FGF23: variants seen among roughly 807,000 people sequenced by gnomAD.
FGF23 encodes the protein phosphatonin.
Under a neutral mutation model 9.0 loss-of-function variants are expected in FGF23, and 8 were observed. The observed-to-expected ratio is 0.89, with a 90% CI of 0.52 to 1.60. The LOEUF (loss-of-function observed/expected upper bound fraction) is 1.60, where lower values mean the gene tolerates loss of function less well. Among genes scored for constraint, FGF23 ranks in the 40% most tolerant of loss-of-function variants. The pLI is 0.00. For missense variants in FGF23, 311 were observed against 344.3 expected (o/e 0.90, Z 0.77); for synonymous variants, 118 against 146.2 (o/e 0.81, Z 1.39).
intron 2 of FGF23, among the ~76,000 whole-genome samples, 197 bp from the exon 3 acceptor site, chr12:4,370,980 C>T (rs1273956749): frequency 6.6e-6 from 1 of 152,194 alleles, no homozygotes. Flanking sequence ...TATAGTTCGC[C>T]CTTTCAGAGA....
At position 4,368,644 on chromosome 12, in the gene FGF23, G is replaced by A; in HGVS notation, c.*1699C>T. 2 of 203,218 alleles carry A rather than the reference G, an allele frequency of 9.8e-6. No individual in the cohort carries two copies. Among genetic ancestry groups the A allele is most frequent in the East Asian group, 1.5e-4 (2 of 13,202 alleles). 12.6% of individuals were successfully genotyped at this position (203,218 alleles called of 1,614,324 possible). ...CATAAAGAAAACCCCTGATGGTAGTGTTGAGTTTGTGAGATTACAACTAGT... is the reference window on the plus strand; with the variant it reads ...CATAAAGAAAACCCCTGATGGTAGTATTGAGTTTGTGAGATTACAACTAGT... On this transcript the variant is annotated 3_prime_UTR_variant, in exon 3 of 3. Coordinates refer to ENST00000237837, the MANE Select transcript of FGF23 (RefSeq NM_020638.3).
At chr12:4,372,127 G>A (rs563478833) in intron 2 of FGF23, among the ~76,000 whole-genome samples, 2 of 141,416 alleles carry the variant, frequency 1.4e-5, no homozygotes, top group East Asian at 4.2e-4. Context: ...ATTGAACAAT[G>A]AGATCACATG....
chr12:4,379,642 T>G lies in FGF23; in HGVS notation c.-60A>C, dbSNP rs1164264418. The G allele has an allele frequency of 2.8e-6, 4 of 1,438,838 alleles. No homozygotes were observed. The African/African-American group carries it at 5.6e-5, about 20-fold the overall frequency. 89.1% of individuals were successfully genotyped at this position (1,438,838 alleles called of 1,614,324 possible). A position where few individuals can be genotyped will look rare whatever the true frequency, so the allele number is the denominator to read the frequency against. On this transcript the variant is annotated 5_prime_UTR_variant, in exon 1 of 3. Coordinates refer to ENST00000237837, the MANE Select transcript of FGF23 (RefSeq NM_020638.3). The stretch of plus-strand genomic sequence containing the variant: ...AAACCTGACACTCCTGTCGGGACTC[T>G]CCTGGCCCAGGCCTTACTGGCCTTT...
At chr12:4,375,710 G>T (rs963879352) in intron 1 of FGF23, among the ~76,000 whole-genome samples, 1 of 152,156 alleles carries the variant, frequency 6.6e-6, no homozygotes, top group African/African-American at 2.4e-5. Flanking sequence ...CTGACCTTCA[G>T]CCAGTTATTT....
At chr12:4,375,143 C>T (rs868587818) in intron 1 of FGF23, among the ~76,000 whole-genome samples, 4 of 152,196 alleles carry the variant, frequency 2.6e-5, no homozygotes, top group Admixed American at 6.5e-5. Context: ...GCTGTCCTGC[C>T]TACTTCATAG....
intron 2 of FGF23, among the ~76,000 whole-genome samples, chr12:4,372,233 G>T (rs953272171): frequency 1.3e-5 from 2 of 150,174 alleles, no homozygotes; most frequent in African/African-American, 4.9e-5. Context: ...GCTAGATGAT[G>T]AGTTAGTGGG....
intron 2 of FGF23, among the ~76,000 whole-genome samples, chr12:4,372,266 T>C (rs1163035643): frequency 2.0e-5 from 3 of 150,920 alleles, no homozygotes; most frequent in African/African-American, 7.3e-5. Context: ...GCATGGCACA[T>C]GTATACGTAT....
chr12:4,379,635 G>C lies in FGF23; in HGVS notation c.-53C>G, dbSNP rs187035769. 1.4e-4 allele frequency: 202 copies of C among 1,463,976 alleles called. 1 individual carries two copies. The Middle Eastern group carries it at 2.6e-3, about 19-fold the overall frequency. 90.7% of individuals were successfully genotyped at this position (1,463,976 alleles called of 1,614,324 possible). On this transcript the variant is annotated 5_prime_UTR_variant, in exon 1 of 3. Transcript: ENST00000237837. ...GAGATTGAAACCTGACACTCCTGTC[G>C]GGACTCTCCTGGCCCAGGCCTTACT...
intron 1 of FGF23, among the ~76,000 whole-genome samples, chr12:4,377,323 T>A (rs1241694141): frequency 6.6e-6 from 1 of 152,098 alleles, no homozygotes; most frequent in Non-Finnish European, 1.5e-5. Context: ...TCGAGACAAG[T>A]TGTATAAACA....
Position 4,370,110 on chromosome 12 carries a change from T to A in FGF23, c.*233A>T. On this transcript the variant is annotated 3_prime_UTR_variant, in exon 3 of 3. Transcript: ENST00000237837. Reference sequence around the variant, plus strand: ...GAAATTTCTAGTTTACCTGTTGGGGTTTCCTATTGGGAAAGGTGTTCTATA... The same window carrying A: ...GAAATTTCTAGTTTACCTGTTGGGGATTCCTATTGGGAAAGGTGTTCTATA... 1 of 528,816 alleles carries A rather than the reference T, an allele frequency of 1.9e-6. No individual in the cohort carries two copies. Among genetic ancestry groups the A allele is most frequent in the Non-Finnish European group, 3.3e-6 (1 of 298,710 alleles). 32.8% of individuals were successfully genotyped at this position (528,816 alleles called of 1,614,324 possible).
chr12:4,378,848 T>C (rs1358526945), intron 1 of FGF23, among the ~76,000 whole-genome samples: 1 of 152,192 alleles, frequency 6.6e-6, no homozygotes, highest in African/African-American at 2.4e-5. Context: ...ATGGACAGTC[T>C]GTCTTTAATA....
Position 4,370,225 on chromosome 12 carries a change from G to T in FGF23, c.*118C>A, listed in dbSNP as rs943553486. 60 of 1,071,724 alleles carry T rather than the reference G, an allele frequency of 5.6e-5. No individual in the cohort carries two copies. The highest frequency in any genetic ancestry group is 8.0e-5 in the Non-Finnish European group (57 of 712,660). The allele number at this position is 1,071,724 out of a possible 1,614,324, so 66.4% of individuals were successfully genotyped here. Reference sequence around the variant, plus strand: ...CTGTGGAAGGGACCCCAGAGAAGCAGCAAATTCCATACATGCCCCTGTCAC... The same window carrying T: ...CTGTGGAAGGGACCCCAGAGAAGCATCAAATTCCATACATGCCCCTGTCAC... On this transcript the variant is annotated 3_prime_UTR_variant, in exon 3 of 3. Coordinates refer to ENST00000237837, the MANE Select transcript of FGF23 (RefSeq NM_020638.3).
rs772881213 is a variant in FGF23 at position 4,379,429 on chromosome 12, G to T, written c.154C>A (p.His52Asn). 1.2e-6 allele frequency: 2 copies of T among 1,613,560 alleles called. No individual in the cohort carries two copies. The highest frequency in any genetic ancestry group is 1.7e-6 in the Non-Finnish European group (2 of 1,180,032). The change falls in exon 1 of 3, where the codon CAC (histidine) becomes AAC (asparagine). Residue 52 changes from histidine (H) to asparagine (N), a missense_variant. This residue lies in a region of FGF23 where 102 missense variants were observed against 108.2 expected (regional missense o/e 0.94). Coordinates refer to ENST00000237837, the MANE Select transcript of FGF23 (RefSeq NM_020638.3). ...LYTATARNSY[H>N]LQIHKNGHVD... ...TGGCCATTCTTGTGGATCTGCAGGT[G>T]GTAGCTGTTCCTGGCTGTGGCTGTG... is the stretch of plus-strand genomic sequence containing the variant.
chr12:4,370,134 T>G lies in FGF23; in HGVS notation c.*209A>C. ...GTTTCCTATTGGGAAAGGTGTTCTA[T>G]ATGGAGTGAGGAAGGCGGTGAAACC... On this transcript the variant is annotated 3_prime_UTR_variant, in exon 3 of 3. Transcript: ENST00000237837. 1.7e-6 allele frequency: 1 copy of G among 592,242 alleles called. No homozygotes were observed. The highest frequency in any genetic ancestry group is 3.0e-6 in the Non-Finnish European group (1 of 331,438). The allele number at this position is 592,242 out of a possible 1,614,324, so 36.7% of individuals were successfully genotyped here.
rs748668033 is a variant in FGF23, at chr12:4,379,596, G to C, written c.-14C>G. On this transcript the variant is annotated 5_prime_UTR_variant, in exon 1 of 3. Coordinates refer to ENST00000237837, the MANE Select transcript of FGF23 (RefSeq NM_020638.3). ...GGCCCCCAACATCGTGCCCTGCTCT[G>C]AGTGGCTGGTGCTGAGATTGAAACC... The C allele has an allele frequency of 6.3e-7, 1 of 1,579,564 alleles. No homozygotes were observed. Among genetic ancestry groups the C allele is most frequent in the Non-Finnish European group, 8.6e-7 (1 of 1,165,876 alleles).
Position 4,372,614 on chromosome 12 carries a change from T to C in FGF23, c.295A>G (p.Arg99Gly). ...MSRRYLCMDF[R>G]GNIFGSHYFD... ...CTCACTGATCCAAAAATGTTGCCTCTGAAATCCATGCAGAGGTATCTTCTG... is the reference window on the plus strand; with the variant it reads ...CTCACTGATCCAAAAATGTTGCCTCCGAAATCCATGCAGAGGTATCTTCTG... Residue 99 changes from arginine (R) to glycine (G), a missense_variant, in exon 2 of 3, where the codon AGA becomes GGA. This residue lies in a region of FGF23 where 206 missense variants were observed against 219.2 expected (regional missense o/e 0.94). Transcript: ENST00000237837. 6.2e-7 allele frequency: 1 copy of C among 1,611,174 alleles called. No individual in the cohort carries two copies. Among genetic ancestry groups the C allele is most frequent in the Non-Finnish European group, 8.5e-7 (1 of 1,177,310 alleles).
chr12:4,369,838 C>A lies in FGF23; in HGVS notation c.*505G>T. On this transcript the variant is annotated 3_prime_UTR_variant, in exon 3 of 3. Transcript: ENST00000237837. ...ACTTGCCCCATTCAGCTGTTAATGT[C>A]AAGGTTTGCACACTCAAATGCCAGT... The A allele has an allele frequency of 4.3e-6, 1 of 232,252 alleles. No individual in the cohort carries two copies. The highest frequency in any genetic ancestry group is 2.2e-5 in the African/African-American group (1 of 45,346). The allele number at this position is 232,252 out of a possible 1,614,324, so 14.4% of individuals were successfully genotyped here.
rs745817839 is a variant in FGF23 at position 4,370,804 on chromosome 12, C to G, written c.316-21G>C. Reference sequence around the variant, plus strand: ...TAGTGCTGGAAGGACAAGAGCGAACCACGTGAAGGCTGGCAGTGGGGGCCC... The same window carrying G: ...TAGTGCTGGAAGGACAAGAGCGAACGACGTGAAGGCTGGCAGTGGGGGCCC... On this transcript the variant is annotated intron_variant, in intron 2 of 2. Coordinates refer to ENST00000237837, the MANE Select transcript of FGF23 (RefSeq NM_020638.3). 1.9e-6 allele frequency: 3 copies of G among 1,611,728 alleles called. No individual in the cohort carries two copies. In the Admixed American group the frequency reaches 5.0e-5, roughly 27 times the overall value.
intron 1 of FGF23, among the ~76,000 whole-genome samples, chr12:4,375,028 C>G (rs946711235): frequency 6.6e-6 from 1 of 152,152 alleles, no homozygotes; most frequent in African/African-American, 2.4e-5. Flanking sequence ...GGAAGGGGCA[C>G]TGAGCCAGGT....
Sources: allele counts gnomAD v4.1 joint callset (sites outside exome capture counted in the v4.1 genomes callset), GRCh38; gene constraint gnomAD v4.1.1; regional missense constraint gnomAD v4.1.1; transcripts MANE v1.5; gene names NCBI Gene and HGNC (gene_info 2026-07-23, HGNC 2026-07-21).